AKAP13: variants seen among roughly 807,000 people sequenced by gnomAD.
The protein encoded by AKAP13 is A-kinase anchoring protein 13, also known as A-kinase anchor protein 13.
AKAP13 carries 80 observed loss-of-function variants against 264.5 expected under a neutral mutation model. The observed-to-expected ratio is 0.30, with a 90% CI of 0.25 to 0.36. The LOEUF (loss-of-function observed/expected upper bound fraction) is 0.36. AKAP13 is among the 10% of genes least tolerant of loss of function. The pLI, the probability that AKAP13 is intolerant of heterozygous loss-of-function variation, is 1.00. For synonymous variants in AKAP13, 1,380 were observed against 1,250.2 expected (o/e 1.10, Z -2.19); for missense variants, 3,712 against 3,435.2 (o/e 1.08, Z -2.01).
intron 16 of AKAP13, 156 bp downstream of exon 16, chr15:85,685,029 A>T: frequency 1.1e-6 from 1 of 933,736 alleles, no homozygotes; most frequent in Non-Finnish European, 1.5e-6. Context: ...AAATAATAAG[A>T]AGAAAAATAG....
intron 8 of AKAP13, among the ~76,000 whole-genome samples, chr15:85,622,134 T>C (rs1373247772): frequency 6.6e-6 from 1 of 152,182 alleles, no homozygotes; most frequent in Non-Finnish European, 1.5e-5. Context: ...GTTACAGTCT[T>C]TATCCCATTA....
At position 85,499,853 on chromosome 15, in the gene AKAP13, C is replaced by T. The variant is rs138737537; in HGVS notation, c.33+14100C>T. On this transcript the variant is annotated intron_variant, in intron 2 of 36. Transcript: ENST00000394518. ...TTCAGATGCACATTTGTATGCATGC[C>T]TTTTCCGTTTATTATGTTCCTTGAG... Among the ~76,000 whole-genome samples the T allele has an allele frequency of 3.3e-5, 5 of 152,178 alleles. No homozygotes were observed. In the East Asian group the frequency reaches 9.6e-4, roughly 29 times the overall value.
intron 8 of AKAP13, among the ~76,000 whole-genome samples, chr15:85,610,747 G>A (rs1007614194): frequency 6.6e-6 from 1 of 151,808 alleles, no homozygotes; most frequent in African/African-American, 2.4e-5. Context: ...AGGCCGAGGT[G>A]GGTGGATCAC....
At chr15:85,649,665 T>C in intron 10 of AKAP13, among the ~76,000 whole-genome samples, 1 of 152,252 alleles carries the variant, frequency 6.6e-6, no homozygotes, top group East Asian at 1.9e-4. Flanking sequence ...CCATTCAGTA[T>C]GCCTCCTGGT....
intron 2 of AKAP13, 117 bp from the exon 3 acceptor site, chr15:85,521,311 A>G (rs2076816434): frequency 2.4e-6 from 3 of 1,236,328 alleles, no homozygotes; most frequent in Non-Finnish European, 3.5e-6. Flanking sequence ...GCTTACCAGA[A>G]TGGGGGCATG....
intron 1 of AKAP13, among the ~76,000 whole-genome samples, chr15:85,409,908 G>A (rs1437605131): frequency 6.6e-6 from 1 of 151,582 alleles, no homozygotes; most frequent in Non-Finnish European, 1.5e-5. Context: ...TGGGATTACA[G>A]GCGTGAGACA....
At chr15:85,392,545 T>C (rs2070919343) in intron 1 of AKAP13, among the ~76,000 whole-genome samples, 1 of 152,160 alleles carries the variant, frequency 6.6e-6, no homozygotes, top group Admixed American at 6.6e-5. Context: ...ATCTTAATCG[T>C]AAATGGGAAT....
At chr15:85,605,003 ATGTTT>A (rs1349623165) in intron 8 of AKAP13, among the ~76,000 whole-genome samples, 2 of 152,150 alleles carry the variant, frequency 1.3e-5, no homozygotes, top group African/African-American at 4.8e-5. Context: ...GACAACTTAC[ATGTTT>A]CCTGCTCAGT....
rs2079111439 is a variant in AKAP13, at chr15:85,579,329, A to G, written c.1261A>G (p.Arg421Gly). 1 of 1,614,246 alleles carries G rather than the reference A, an allele frequency of 6.2e-7. No individual in the cohort carries two copies. The highest frequency in any genetic ancestry group is 1.1e-5 in the South Asian group (1 of 91,088). Residue 421 changes from arginine (R) to glycine (G), a missense_variant, in exon 7 of 37, where the codon AGA (arginine) becomes GGA (glycine). Physicochemically the swap from Arg to Gly is moderately radical, Grantham distance 125 (BLOSUM62 -2). This residue lies in a region of AKAP13 where 2,759 missense variants were observed against 2,411.7 expected (regional missense o/e 1.14). Coordinates refer to ENST00000394518, the MANE Select transcript of AKAP13 (RefSeq NM_007200.5). ...GTEGLSSCGN[R>G]NEETGTKSSG... ...GGAAGGCCTTTCGTCCTGTGGAAACAGAAATGAAGAAACTGGAACAAAATC... is the reference window on the plus strand; with the variant it reads ...GGAAGGCCTTTCGTCCTGTGGAAACGGAAATGAAGAAACTGGAACAAAATC...
chr15:85,546,753 C>G (rs374285955), intron 5 of AKAP13, among the ~76,000 whole-genome samples: 5 of 66,448 alleles, frequency 7.5e-5, no homozygotes, highest in Non-Finnish European at 1.3e-4. Context: ...TTTTTTTTTT[C>G]TTTTCTTTGA....
rs1256123291 is a variant in AKAP13 at position 85,708,768 on chromosome 15, A to G, written c.5532+682A>G. Among the ~76,000 whole-genome samples, 3 of 152,062 alleles carry G rather than the reference A, an allele frequency of 2.0e-5. No individual in the cohort carries two copies. The highest frequency in any genetic ancestry group is 1.9e-4 in the East Asian group (1 of 5,176). On this transcript the variant is annotated intron_variant, in intron 18 of 36. Coordinates refer to ENST00000394518, the MANE Select transcript of AKAP13 (RefSeq NM_007200.5). This position sits in a 1 kb window ranked among gnomAD's most constrained non-coding sequence, Gnocchi z 4.3. ...TTCCTTGTCAAAGGAGTGCTTTCCA[A>G]CTTCGTCGACACAGATGATTAATGA... is the stretch of plus-strand genomic sequence containing the variant.
chr15:85,746,884 T>G lies in AKAP13; in HGVS notation c.*2207T>G, dbSNP rs541285964. On this transcript the variant is annotated 3_prime_UTR_variant, in exon 37 of 37. Transcript: ENST00000394518. ...CGGGTTTGGAACAATACGAGGTTGG[T>G]GCTGATGGGATTTACTTGCGTACGT... 8 of 152,294 alleles carry G rather than the reference T, an allele frequency of 5.3e-5. No individual in the cohort carries two copies. The East Asian group carries it at 1.4e-3, about 26-fold the overall frequency. The allele number at this position is 152,294 out of a possible 1,614,324, so 9.4% of individuals were successfully genotyped here. A position where few individuals can be genotyped will look rare whatever the true frequency, so the allele number is the denominator to read the frequency against.
At chr15:85,443,331 A>T (rs762528478) in intron 1 of AKAP13, among the ~76,000 whole-genome samples, 1 of 152,302 alleles carries the variant, frequency 6.6e-6, no homozygotes, top group Non-Finnish European at 1.5e-5. Context: ...GAGAGAGCTT[A>T]GAGTTTTAAT....
In AKAP13 at chr15:85,426,496, G is replaced by GT. The variant is rs11351158; in HGVS notation, c.-12+45707dup. ...TCTGTGGATAAGTTTTTGTTTTTTT[G>GT]TTTTTTTTTGGGTTATAACTGACAA... On this transcript the variant is annotated intron_variant, in intron 1 of 36. Coordinates refer to ENST00000394518, the MANE Select transcript of AKAP13 (RefSeq NM_007200.5). Among the ~76,000 whole-genome samples, 333 of 150,312 alleles carry GT rather than the reference G, an allele frequency of 2.2e-3. 4 individuals are homozygous for GT. The highest frequency in any genetic ancestry group is 7.4e-3 in the African/African-American group (304 of 40,858).
chr15:85,405,115 T>C (rs2071602259), intron 1 of AKAP13, among the ~76,000 whole-genome samples: 1 of 152,230 alleles, frequency 6.6e-6, no homozygotes, highest in Non-Finnish European at 1.5e-5. Flanking sequence ...CTAGAGCTTA[T>C]GAATAGATGA....
At chr15:85,645,118 TCAAAATAAACAACA>T (rs1300501737) in intron 9 of AKAP13, among the ~76,000 whole-genome samples, 6 of 152,144 alleles carry the variant, frequency 3.9e-5, no homozygotes, top group Non-Finnish European at 8.8e-5. Flanking sequence ...AGAACTTGTC[TCAAAATAAACAACA>T]CAAAACAGAA....
At chr15:85,551,640 GTGTT>G (rs1247080804) in intron 5 of AKAP13, among the ~76,000 whole-genome samples, 1 of 152,246 alleles carries the variant, frequency 6.6e-6, no homozygotes, top group Non-Finnish European at 1.5e-5. Flanking sequence ...AGCAAGGTAT[GTGTT>G]TGTTCTTGGT....
chr15:85,383,181 C>G (rs2070380902), intron 1 of AKAP13, among the ~76,000 whole-genome samples: 1 of 152,136 alleles, frequency 6.6e-6, no homozygotes, highest in African/African-American at 2.4e-5. Flanking sequence ...ACGTGAGCCA[C>G]TCCACCCAGC....
chr15:85,604,813 A>G (rs2080248611), intron 8 of AKAP13, among the ~76,000 whole-genome samples: 1 of 152,210 alleles, frequency 6.6e-6, no homozygotes, highest in Non-Finnish European at 1.5e-5. Flanking sequence ...GCATAGAGCC[A>G]TTAGAATTCA....
Sources: gnomAD v4.1 joint callset for allele counts (sites outside exome capture counted in the v4.1 genomes callset) on GRCh38, gnomAD v4.1.1 for gene constraint, gnomAD v4.1.1 regional missense constraint, Gnocchi (gnomAD v3.1) non-coding constraint, MANE v1.5 for transcripts, NCBI Gene and HGNC (gene_info 2026-07-23, HGNC 2026-07-21) for gene names.